The following REPS1 variants were observed in gnomAD, a reference collection of about 807,000 sequenced individuals.
REPS1 encodes the protein ralBP1-associated Eps domain-containing protein 1.
In REPS1, 39 loss-of-function variants were observed where a neutral mutation model predicts 100.9. That is an observed-to-expected ratio of 0.39 (90% CI 0.30 to 0.50). The LOEUF is 0.50. Ranked by LOEUF, REPS1 falls within the 20% of genes least tolerant of loss-of-function variation. The probability of loss-of-function intolerance (pLI) is 0.86; values close to 1 mark genes in which losing one functional copy is unlikely to be tolerated. For synonymous variants in REPS1, 324 were observed against 340.3 expected, an observed-to-expected ratio of 0.95 and a Z score of 0.53; for missense variants, 821 against 968.5, an observed-to-expected ratio of 0.85 and a Z score of 2.02.
chr6:138,983,167 T>G (rs1044257531), intron 1 of REPS1, among the ~76,000 whole-genome samples: 1 of 152,198 alleles, frequency 6.6e-6, no homozygotes, highest in Non-Finnish European at 1.5e-5. Flanking sequence ...TTATCTGCTA[T>G]CAAGTTCTTA....
Position 138,926,392 on chromosome 6 carries a change from T to C in REPS1, c.1338+9A>G, listed in dbSNP as rs774567069. On this transcript the variant is annotated intron_variant, in intron 10 of 19. Transcript: ENST00000450536. ...AATCTCAAACAAGCAAGCTAAGTGA[T>C]TGACTTACAGGATCAGCTGGTGCAA... 5.0e-6 allele frequency: 8 copies of C among 1,598,484 alleles called. No homozygotes were observed. In the East Asian group the frequency reaches 8.9e-5, roughly 18 times the overall value.
intron 7 of REPS1, among the ~76,000 whole-genome samples, chr6:138,942,482 C>T (rs1782329929): frequency 6.6e-6 from 1 of 152,096 alleles, no homozygotes; most frequent in Non-Finnish European, 1.5e-5. Context: ...CACTCTGTTG[C>T]CCAGGCTACA....
At chr6:138,942,134 C>T (rs1009211034) in intron 7 of REPS1, among the ~76,000 whole-genome samples, 5 of 152,084 alleles carry the variant, frequency 3.3e-5, no homozygotes, top group African/African-American at 9.7e-5. Context: ...CGTGAGCCAC[C>T]GCACCCGGCT....
chr6:138,961,059 T>C (rs1417403716), intron 1 of REPS1, among the ~76,000 whole-genome samples: 1 of 152,186 alleles, frequency 6.6e-6, no homozygotes, highest in Non-Finnish European at 1.5e-5. Flanking sequence ...TCAGCTATTC[T>C]TTCAAGAAAA....
At chr6:138,906,343 A>G (rs1028548847) in intron 19 of REPS1, among the ~76,000 whole-genome samples, 4 of 152,244 alleles carry the variant, frequency 2.6e-5, no homozygotes, top group Non-Finnish European at 5.9e-5. Flanking sequence ...AGACATTAAA[A>G]AATGCCTAAC....
At chr6:138,927,243 A>G (rs2128453758) in intron 9 of REPS1, 1 of 152,274 alleles carries the variant, frequency 6.6e-6, no homozygotes, top group East Asian at 1.9e-4. Flanking sequence ...CATGAGTTAT[A>G]TACAGATGTA....
chr6:138,964,269 ATT>A (rs1242753963), intron 1 of REPS1, among the ~76,000 whole-genome samples: 1 of 151,616 alleles, frequency 6.6e-6, no homozygotes, highest in Non-Finnish European at 1.5e-5. Flanking sequence ...TCCATTTTAC[ATT>A]TCAACCACTT....
At chr6:138,972,995 G>C (rs1784418811) in intron 1 of REPS1, among the ~76,000 whole-genome samples, 1 of 152,194 alleles carries the variant, frequency 6.6e-6, no homozygotes, top group African/African-American at 2.4e-5. Context: ...AATAGGTTTT[G>C]AGTGAGTGCC....
At chr6:138,934,252 T>C (rs1367853762) in intron 8 of REPS1, 1 of 462,042 alleles carries the variant, frequency 2.2e-6, no homozygotes, top group Non-Finnish European at 4.5e-6. Flanking sequence ...CCTAGCCTCC[T>C]GCTGGAACAC....
chr6:138,965,173 A>G (rs749666860), intron 1 of REPS1, among the ~76,000 whole-genome samples: 5 of 152,150 alleles, frequency 3.3e-5, no homozygotes, highest in Non-Finnish European at 7.4e-5. Flanking sequence ...ACTGCTCATA[A>G]TCAGTCTCAC....
At chr6:138,907,626 A>C (rs1779747823) in intron 18 of REPS1, 26 bp from the exon 19 acceptor site, 3 of 1,373,140 alleles carry the variant, frequency 2.2e-6, no homozygotes, top group Non-Finnish European at 3.1e-6. Flanking sequence ...AGGCAAAAAA[A>C]CCCATAACCT....
intron 10 of REPS1, among the ~76,000 whole-genome samples, chr6:138,921,479 C>A (rs1312633329): frequency 2.0e-5 from 3 of 151,790 alleles, no homozygotes; most frequent in African/African-American, 7.3e-5. Flanking sequence ...ATAGTGAAAC[C>A]CTGTCTCTTC....
At chr6:138,947,113 C>T (rs1442346603) in intron 2 of REPS1, among the ~76,000 whole-genome samples, 2 of 150,118 alleles carry the variant, frequency 1.3e-5, no homozygotes, top group Non-Finnish European at 3.0e-5. Flanking sequence ...TTTCCATTTA[C>T]GTTCTGCCAC....
chr6:138,978,921 G>A (rs1400456991), intron 1 of REPS1, among the ~76,000 whole-genome samples: 1 of 152,038 alleles, frequency 6.6e-6, no homozygotes, highest in Non-Finnish European at 1.5e-5. Context: ...GGTGGCTCAT[G>A]CCTGTAATCC....
chr6:138,908,624 T>C, intron 18 of REPS1, 44 bp downstream of exon 18: 1 of 1,606,572 alleles, frequency 6.2e-7, no homozygotes, highest in African/African-American at 1.3e-5. Context: ...TGTCGTGCTT[T>C]TTCTTCCTAG....
At chr6:138,964,206 T>C (rs1007383696) in intron 1 of REPS1, among the ~76,000 whole-genome samples, 1 of 151,920 alleles carries the variant, frequency 6.6e-6, no homozygotes, top group Non-Finnish European at 1.5e-5. Context: ...AGACATTCTC[T>C]TGTTTTTTTT....
At chr6:138,971,886 A>G (rs1784363545) in intron 1 of REPS1, among the ~76,000 whole-genome samples, 1 of 152,212 alleles carries the variant, frequency 6.6e-6, no homozygotes, top group African/African-American at 2.4e-5. Flanking sequence ...ACGTCTATGA[A>G]TGCACAGCCA....
intron 1 of REPS1, among the ~76,000 whole-genome samples, chr6:138,983,675 C>T (rs1785083686): frequency 6.6e-6 from 1 of 152,146 alleles, no homozygotes; most frequent in Non-Finnish European, 1.5e-5. Flanking sequence ...CTAACTTTTA[C>T]TAACAAACAC....
At chr6:138,930,362 A>G (rs1331298135) in intron 8 of REPS1, among the ~76,000 whole-genome samples, 2 of 152,190 alleles carry the variant, frequency 1.3e-5, no homozygotes, top group African/African-American at 4.8e-5. Context: ...TAATATTGCA[A>G]TAGGTCACAT....
Sources: allele counts gnomAD v4.1 joint callset (sites outside exome capture counted in the v4.1 genomes callset), GRCh38; gene constraint gnomAD v4.1.1; transcripts MANE v1.5; gene names NCBI Gene and HGNC (gene_info 2026-07-23, HGNC 2026-07-21).